The following WDR41 variants were observed in gnomAD, a reference collection of about 807,000 sequenced individuals.
WDR41 encodes the protein WD repeat domain 41, also known as WD repeat-containing protein 41.
WDR41 carries 63 observed loss-of-function variants against 69.3 expected under a neutral mutation model. The ratio of observed to expected loss-of-function variants is 0.91; its 90% confidence interval spans 0.74 to 1.12. The LOEUF (loss-of-function observed/expected upper bound fraction) is 1.12. Ranked by LOEUF, WDR41 falls within the 50% of genes most tolerant of loss-of-function variation. The probability of loss-of-function intolerance (pLI) is 0.00; values close to 1 mark genes in which losing one functional copy is unlikely to be tolerated. For missense variants in WDR41, 543 were observed against 534.5 expected (o/e 1.02, Z -0.16); for synonymous variants, 185 against 192.1 (o/e 0.96, Z 0.31).
At chr5:77,537,864 G>A (rs1396188723) in intron 1 of WDR41, among the ~76,000 whole-genome samples, 1 of 152,156 alleles carries the variant, frequency 6.6e-6, no homozygotes. Flanking sequence ...AAGTAAATGA[G>A]AGATTATTTA....
At chr5:77,458,069 CAGGT>C (rs1799902939) in intron 5 of WDR41, among the ~76,000 whole-genome samples, 3 of 152,006 alleles carry the variant, frequency 2.0e-5, no homozygotes, top group Non-Finnish European at 4.4e-5. Context: ...CTTAGTTTTT[CAGGT>C]AGCAAGAATA....
chr5:77,611,036 A>G (rs572041205), intron 1 of WDR41, among the ~76,000 whole-genome samples: 151 of 152,366 alleles, frequency 9.9e-4, no homozygotes, highest in Non-Finnish European at 2.1e-3. Flanking sequence ...CTTTAAACCA[A>G]CAAAGATCAA....
intron 1 of WDR41, among the ~76,000 whole-genome samples, chr5:77,534,437 A>AT (rs2112213183): frequency 6.9e-6 from 1 of 144,428 alleles, no homozygotes; most frequent in East Asian, 2.1e-4. Flanking sequence ...ACAAAATTTC[A>AT]ATTTTTTTTT....
intron 1 of WDR41, among the ~76,000 whole-genome samples, chr5:77,539,103 T>A (rs190579633): frequency 6.6e-6 from 1 of 152,234 alleles, no homozygotes; most frequent in East Asian, 1.9e-4. Context: ...CTGGTATCTC[T>A]TTTTATAAAG....
At chr5:77,479,237 G>A (rs1251629057) in intron 2 of WDR41, among the ~76,000 whole-genome samples, 3 of 151,532 alleles carry the variant, frequency 2.0e-5, no homozygotes, top group Non-Finnish European at 4.4e-5. Flanking sequence ...CGTGAAAATG[G>A]CCATACTGCC....
intron 2 of WDR41, among the ~76,000 whole-genome samples, chr5:77,473,324 C>G (rs1800722984): frequency 6.6e-6 from 1 of 152,064 alleles, no homozygotes; most frequent in South Asian, 2.1e-4. Flanking sequence ...AATGTTAGAC[C>G]TAAAACCATA....
intron 1 of WDR41, among the ~76,000 whole-genome samples, chr5:77,548,370 C>T (rs537523134): frequency 1.7e-4 from 26 of 152,148 alleles, no homozygotes; most frequent in Non-Finnish European, 3.7e-4. Context: ...AAGAAATCTT[C>T]ACAATCTATA....
At chr5:77,586,149 CA>C (rs1037837608) in intron 1 of WDR41, among the ~76,000 whole-genome samples, 4 of 150,978 alleles carry the variant, frequency 2.6e-5, no homozygotes, top group East Asian at 1.9e-4. Context: ...TTTTCATTTG[CA>C]AAAAAAAGTT....
At chr5:77,473,207 T>A (rs1393054434) in intron 2 of WDR41, among the ~76,000 whole-genome samples, 4 of 152,204 alleles carry the variant, frequency 2.6e-5, no homozygotes, top group African/African-American at 9.7e-5. Context: ...GATTCCCTAT[T>A]TAATAAATGG....
chr5:77,611,167 T>A (rs1045401515), intron 1 of WDR41, among the ~76,000 whole-genome samples: 3 of 151,464 alleles, frequency 2.0e-5, no homozygotes, highest in African/African-American at 4.8e-5. Context: ...AAGTCCTGAG[T>A]GACCTACAAA....
At chr5:77,516,266 AT>A (rs1802290692) in intron 1 of WDR41, among the ~76,000 whole-genome samples, 1 of 152,126 alleles carries the variant, frequency 6.6e-6, no homozygotes, top group Non-Finnish European at 1.5e-5. Context: ...TATTATTTGC[AT>A]TTCTATAAAC....
At chr5:77,597,248 A>C (rs576480659) in intron 1 of WDR41, among the ~76,000 whole-genome samples, 1 of 152,318 alleles carries the variant, frequency 6.6e-6, no homozygotes, top group South Asian at 2.1e-4. Context: ...TAATAAGCCT[A>C]TAATTCTTTG....
intron 2 of WDR41, among the ~76,000 whole-genome samples, chr5:77,477,071 T>A (rs9688013): frequency 6.9e-6 from 1 of 145,468 alleles, no homozygotes; most frequent in African/African-American, 2.7e-5. Flanking sequence ...TCAAAAGAGA[T>A]AAAGAAGGCC....
chr5:77,614,385 T>C (rs1274807732), intron 1 of WDR41, among the ~76,000 whole-genome samples: 2 of 151,092 alleles, frequency 1.3e-5, no homozygotes, highest in Non-Finnish European at 3.0e-5. Context: ...AGCAAAGACT[T>C]GGAACCAACC....
intron 1 of WDR41, among the ~76,000 whole-genome samples, chr5:77,548,160 A>G (rs61156096): frequency 9.2e-5 from 14 of 152,242 alleles, no homozygotes; most frequent in Non-Finnish European, 1.0e-4. Flanking sequence ...TAAATCTAAG[A>G]CCTGAAACTA....
chr5:77,452,655 C>G (rs1470371284), intron 6 of WDR41: 4 of 152,198 alleles, frequency 2.6e-5, no homozygotes, highest in African/African-American at 9.6e-5. Flanking sequence ...AAATGATGAA[C>G]AGCTCACCAA....
At chr5:77,498,537 G>T (rs910149358) in intron 1 of WDR41, among the ~76,000 whole-genome samples, 66 of 152,216 alleles carry the variant, frequency 4.3e-4, no homozygotes, top group Non-Finnish European at 4.1e-4. Flanking sequence ...AACATGGAGA[G>T]GCCAGTCATG....
chr5:77,609,507 G>A (rs190030041), intron 1 of WDR41, among the ~76,000 whole-genome samples: 2,290 of 152,282 alleles, frequency 0.015, 68 homozygotes, highest in African/African-American at 0.052. Flanking sequence ...ACGAAAATCC[G>A]CTGTTCTGCA....
At chr5:77,563,780 A>G (rs1276229783) in intron 1 of WDR41, among the ~76,000 whole-genome samples, 2 of 152,232 alleles carry the variant, frequency 1.3e-5, no homozygotes. Context: ...AAAGTAAGAA[A>G]TAGAATGCAA....
Sources: gnomAD v4.1 joint callset for allele counts (sites outside exome capture counted in the v4.1 genomes callset) on GRCh38, gnomAD v4.1.1 for gene constraint, MANE v1.5 for transcripts, NCBI Gene and HGNC (gene_info 2026-07-23, HGNC 2026-07-21) for gene names.